Variants in CNTNAP2 observed in about 807,000 individuals in gnomAD.
CNTNAP2 encodes the protein contactin-associated protein-like 2.
A neutral mutation model predicts 155.2 loss-of-function variants in CNTNAP2; 98 were observed. That is an observed-to-expected ratio of 0.63 (90% CI 0.54 to 0.75). The LOEUF (loss-of-function observed/expected upper bound fraction) is 0.75. Among genes scored for constraint, CNTNAP2 ranks in the 30% least tolerant of loss-of-function variants. The probability of loss-of-function intolerance (pLI) is 0.00; values close to 1 mark genes in which losing one functional copy is unlikely to be tolerated. For missense variants in CNTNAP2, 1,727 were observed against 1,688.1 expected (o/e 1.02, Z -0.40); for synonymous variants, 651 against 631.2 (o/e 1.03, Z -0.47).
intron 13 of CNTNAP2, among the ~76,000 whole-genome samples, chr7:147,708,173 C>T (rs1413672950): frequency 6.6e-6 from 1 of 152,144 alleles, no homozygotes; most frequent in Non-Finnish European, 1.5e-5. Context: ...CAGCTGTATA[C>T]ATGTGTTTAG....
intron 4 of CNTNAP2, among the ~76,000 whole-genome samples, chr7:147,076,010 T>A (rs1271414547): frequency 3.9e-5 from 6 of 152,208 alleles, no homozygotes; most frequent in Admixed American, 3.9e-4. Context: ...ATATGCCACA[T>A]TTTCTTAATC....
intron 1 of CNTNAP2, among the ~76,000 whole-genome samples, chr7:146,558,952 AT>A (rs1161796981): frequency 6.6e-6 from 1 of 152,190 alleles, no homozygotes; most frequent in Non-Finnish European, 1.5e-5. Flanking sequence ...AATCCTGACA[AT>A]TTCTGCAGTA....
chr7:146,128,973 C>A (rs1797676813), intron 1 of CNTNAP2, among the ~76,000 whole-genome samples: 1 of 151,986 alleles, frequency 6.6e-6, no homozygotes, highest in African/African-American at 2.4e-5. Context: ...AGTAATAGGA[C>A]AACTACAGTT....
intron 21 of CNTNAP2, among the ~76,000 whole-genome samples, chr7:148,366,794 A>G (rs985294389): frequency 6.6e-6 from 1 of 152,076 alleles, no homozygotes; most frequent in African/African-American, 2.4e-5. Context: ...CAGAGTTTTC[A>G]CCACCTGTCT....
At chr7:146,612,861 A>T (rs347205) in intron 1 of CNTNAP2, among the ~76,000 whole-genome samples, 1 of 151,246 alleles carries the variant, frequency 6.6e-6, no homozygotes. Flanking sequence ...TTTAAAAACT[A>T]CTATATGATC....
intron 11 of CNTNAP2, among the ~76,000 whole-genome samples, chr7:147,536,100 AAGACAACT>A (rs1562985842): frequency 6.6e-6 from 1 of 152,222 alleles, no homozygotes; most frequent in Non-Finnish European, 1.5e-5. Flanking sequence ...TAAGCTACCC[AAGACAACT>A]TTTAAAATTA....
At chr7:147,544,312 A>G (rs1389379739) in intron 11 of CNTNAP2, among the ~76,000 whole-genome samples, 2 of 152,284 alleles carry the variant, frequency 1.3e-5, no homozygotes, top group African/African-American at 2.4e-5. Flanking sequence ...GCACATTTCA[A>G]TGGCCCCAGA....
At chr7:147,671,102 G>A (rs555151758) in intron 13 of CNTNAP2, among the ~76,000 whole-genome samples, 90 of 152,306 alleles carry the variant, frequency 5.9e-4, no homozygotes, top group African/African-American at 2.0e-3. Flanking sequence ...GGAGCACAGC[G>A]GATCCGAGTG....
intron 9 of CNTNAP2, among the ~76,000 whole-genome samples, chr7:147,354,204 C>T (rs1408670440): frequency 6.6e-6 from 1 of 151,990 alleles, no homozygotes; most frequent in Non-Finnish European, 1.5e-5. Context: ...TCATGAAGTC[C>T]TTGCCCATGC....
chr7:146,598,927 A>C (rs1473051290), intron 1 of CNTNAP2, among the ~76,000 whole-genome samples: 1 of 152,098 alleles, frequency 6.6e-6, no homozygotes, highest in Non-Finnish European at 1.5e-5. Flanking sequence ...TGCACTAAAA[A>C]TGAAAATCCT....
chr7:147,880,278 C>A (rs1799496444), intron 13 of CNTNAP2, among the ~76,000 whole-genome samples: 1 of 152,136 alleles, frequency 6.6e-6, no homozygotes, highest in Non-Finnish European at 1.5e-5. Context: ...TTGTGTATGA[C>A]AATTCCTGGT....
intron 3 of CNTNAP2, among the ~76,000 whole-genome samples, chr7:146,968,572 T>C (rs1367364197): frequency 1.3e-5 from 2 of 152,114 alleles, no homozygotes; most frequent in African/African-American, 2.4e-5. Flanking sequence ...TATCCATTTC[T>C]TCTAGATTTT....
intron 9 of CNTNAP2, among the ~76,000 whole-genome samples, chr7:147,375,684 C>T (rs573220039): frequency 6.6e-6 from 1 of 152,148 alleles, no homozygotes; most frequent in East Asian, 1.9e-4. Context: ...TACCTCTCCC[C>T]ACAAGTACTA....
chr7:148,096,279 A>ATGCG (rs1554471807), intron 15 of CNTNAP2, among the ~76,000 whole-genome samples: 1 of 144,722 alleles, frequency 6.9e-6, no homozygotes, highest in African/African-American at 2.5e-5. Context: ...GCATGCATGC[A>ATGCG]TGTGTGTGTG....
intron 15 of CNTNAP2, among the ~76,000 whole-genome samples, chr7:148,114,307 G>A (rs1804417498): frequency 6.6e-6 from 1 of 152,140 alleles, no homozygotes; most frequent in African/African-American, 2.4e-5. Context: ...TATTTATTTA[G>A]CATCTTTAAC....
intron 18 of CNTNAP2, among the ~76,000 whole-genome samples, chr7:148,208,597 A>G (rs1562995097): frequency 6.6e-6 from 1 of 152,220 alleles, no homozygotes; most frequent in Non-Finnish European, 1.5e-5. Flanking sequence ...GAGTAAATCA[A>G]ATAAGGGCAG....
rs949176153 is a variant in CNTNAP2 at position 147,530,819 on chromosome 7, T to C, written c.1778-31319T>C. 2.0e-5 allele frequency among the ~76,000 whole-genome samples: 3 copies of C among 152,224 alleles called. No homozygotes were observed. The East Asian group carries it at 5.8e-4, about 30-fold the overall frequency. On this transcript the variant is annotated intron_variant, in intron 11 of 23. Coordinates refer to ENST00000361727, the MANE Select transcript of CNTNAP2 (RefSeq NM_014141.6). ...ACTCATTTCGACATTAACTCAAAAG[T>C]CCACAGTCCAAAGTCTCATCTGAGA...
chr7:147,830,034 C>T (rs1798522613), intron 13 of CNTNAP2, among the ~76,000 whole-genome samples: 1 of 151,902 alleles, frequency 6.6e-6, no homozygotes, highest in Non-Finnish European at 1.5e-5. Context: ...CCAAAAGAGT[C>T]TCATGCACCC....
intron 8 of CNTNAP2, among the ~76,000 whole-genome samples, chr7:147,143,942 A>C (rs911369597): frequency 6.6e-6 from 1 of 152,208 alleles, no homozygotes; most frequent in Non-Finnish European, 1.5e-5. Flanking sequence ...CACAGAATAC[A>C]AAATATAAAT....
Sources: gnomAD v4.1 joint callset for allele counts (sites outside exome capture counted in the v4.1 genomes callset) on GRCh38, gnomAD v4.1.1 for gene constraint, MANE v1.5 for transcripts, NCBI Gene and HGNC (gene_info 2026-07-23, HGNC 2026-07-21) for gene names.